SF3B2: variants seen among roughly 807,000 people sequenced by gnomAD.
The protein encoded by SF3B2 is splicing factor 3b subunit 2, also known as SAP 145.
In SF3B2, 22 loss-of-function variants were observed where a neutral mutation model predicts 116.3. That is an observed-to-expected ratio of 0.19 (90% CI 0.14 to 0.27). The LOEUF (loss-of-function observed/expected upper bound fraction) is 0.27, where lower values mean the gene tolerates loss of function less well. SF3B2 is among the 10% of genes least tolerant of loss of function. SF3B2 has a pLI of 1.00. For missense variants in SF3B2, 767 were observed against 1,151.4 expected (o/e 0.67, Z 4.83); for synonymous variants, 406 against 421.6 (o/e 0.96, Z 0.45).
intron 16 of SF3B2, 137 bp downstream of exon 16, chr11:66,062,135 A>G (rs1333061429): frequency 2.9e-6 from 2 of 693,410 alleles, no homozygotes; most frequent in Non-Finnish European, 2.5e-6. Flanking sequence ...AATATTTGTC[A>G]TATACCATGT....
intron 19 of SF3B2, among the ~76,000 whole-genome samples, chr11:66,063,991 C>T (rs1380722231): frequency 6.6e-6 from 1 of 152,120 alleles, no homozygotes; most frequent in Non-Finnish European, 1.5e-5. Context: ...TTTGGGAAGG[C>T]CTCACTGGGG....
At position 66,053,120 on chromosome 11, in the gene SF3B2, T is replaced by A. The variant is rs1269154225; in HGVS notation, c.258+16T>A. The A allele has an allele frequency of 6.2e-7, 1 of 1,611,252 alleles. No individual in the cohort carries two copies. Among genetic ancestry groups the A allele is most frequent in the Non-Finnish European group, 8.5e-7 (1 of 1,177,854 alleles). Reference sequence around the variant, plus strand: ...GTCGGCACAGGTAGGGAGATTCTTCTGTTTTTTAAGATTCCATCTGCTGAT... The same window carrying A: ...GTCGGCACAGGTAGGGAGATTCTTCAGTTTTTTAAGATTCCATCTGCTGAT... On this transcript the variant is annotated intron_variant, in intron 3 of 21. Transcript: ENST00000322535.
intron 21 of SF3B2, 54 bp downstream of exon 21, chr11:66,068,387 C>T (rs1486955153): frequency 7.3e-6 from 11 of 1,511,738 alleles, no homozygotes; most frequent in Admixed American, 4.4e-5. Context: ...CCTGGCCTGC[C>T]GTTTTCAGTG....
intron 4 of SF3B2, 104 bp downstream of exon 4, chr11:66,055,419 G>A: frequency 1.9e-6 from 3 of 1,591,702 alleles, no homozygotes; most frequent in African/African-American, 1.3e-5. Context: ...TGGGAAGGTC[G>A]GGACTAAAGA....
intron 6 of SF3B2, 28 bp from the exon 7 acceptor site, chr11:66,057,238 C>T (rs762315511): frequency 1.5e-6 from 2 of 1,365,428 alleles, no homozygotes; most frequent in Non-Finnish European, 2.1e-6. Context: ...CCTCTTCTGA[C>T]ATTGGATTTC....
intron 5 of SF3B2, chr11:66,055,800 C>A: frequency 3.9e-6 from 2 of 510,490 alleles, no homozygotes; most frequent in Non-Finnish European, 6.8e-6. Context: ...CTAAAAATAA[C>A]TTTAAAATTT....
rs775280803 is a variant in SF3B2, at chr11:66,055,118, C to G, written c.301C>G (p.Pro101Ala). The change falls in exon 4 of 22, where the codon CCT (proline) becomes GCT (alanine). Residue 101 changes from proline to alanine, a missense_variant. Pro to Ala is a conservative substitution (Grantham distance 27). Around this residue, in one of 4 missense-constraint regions of SF3B2, gnomAD observed 455 missense variants for 537.5 expected, o/e 0.85. Transcript: ENST00000322535. ...PMPPPPLGLP[P>A]LQPPPPPPPP... is the part of the protein sequence containing the mutation. ...GCCACCACCACCTTTGGGACTCCCCCCTCTGCAGCCTCCTCCGCCACCCCC... is the reference window on the plus strand; with the variant it reads ...GCCACCACCACCTTTGGGACTCCCCGCTCTGCAGCCTCCTCCGCCACCCCC... 3.9e-6 allele frequency: 6 copies of G among 1,556,440 alleles called. No individual in the cohort carries two copies. The highest frequency in any genetic ancestry group is 2.3e-5 in the East Asian group (1 of 43,492).
In SF3B2 at chr11:66,059,686, G is replaced by A; in HGVS notation, c.1401+91G>A. The A allele has an allele frequency of 6.3e-7, 1 of 1,588,978 alleles. No individual in the cohort carries two copies. Among genetic ancestry groups the A allele is most frequent in the Non-Finnish European group, 8.6e-7 (1 of 1,157,610 alleles). The stretch of plus-strand genomic sequence containing the variant: ...GGTGAAAAGGAGTTCTTTGAAGGAG[G>A]TGTGGGTGATTTGGGTTTGGGTCCT... On this transcript the variant is annotated intron_variant, in intron 12 of 21. Transcript: ENST00000322535. The surrounding 1 kb of genome is among the most constrained non-coding windows in gnomAD (Gnocchi z 5.0).
intron 2 of SF3B2, 58 bp downstream of exon 2, chr11:66,052,777 ACCCCAT>A: frequency 6.7e-7 from 1 of 1,499,634 alleles, no homozygotes; most frequent in Non-Finnish European, 9.0e-7. Context: ...GACCTTATAT[ACCCCAT>A]CACGGCTCGG....
At chr11:66,061,609 A>G in intron 14 of SF3B2, 77 bp from the exon 15 acceptor site, 1 of 1,097,654 alleles carries the variant, frequency 9.1e-7, no homozygotes. Flanking sequence ...CTGGGATTTT[A>G]TATCTGATGT....
chr11:66,059,707 G>A lies in SF3B2; in HGVS notation c.1402-75G>A. Reference sequence around the variant, plus strand: ...GGAGGTGTGGGTGATTTGGGTTTGGGTCCTTTGAGGAAGAAGAGCTTCAGA... The same window carrying A: ...GGAGGTGTGGGTGATTTGGGTTTGGATCCTTTGAGGAAGAAGAGCTTCAGA... On this transcript the variant is annotated intron_variant, in intron 12 of 21. Transcript: ENST00000322535. This position sits in a 1 kb window ranked among gnomAD's most constrained non-coding sequence, Gnocchi z 5.0. 6.3e-7 allele frequency: 1 copy of A among 1,597,054 alleles called. No homozygotes were observed. The highest frequency in any genetic ancestry group is 8.6e-7 in the Non-Finnish European group (1 of 1,164,990).
chr11:66,068,171 T>C lies in SF3B2; in HGVS notation c.2454T>C (p.Ala818=), dbSNP rs368254869. 1.9e-6 allele frequency: 3 copies of C among 1,614,096 alleles called. No individual in the cohort carries two copies. In the African/African-American group the frequency reaches 4.0e-5, roughly 22 times the overall value. ...MSTVMSRKGP[A]PELQGVEVAL... is the part of the protein sequence containing the mutation. ...AGGTTATGAGCCGGAAGGGCCCGGC[T>C]CCTGAGCTGCAAGGTGTGGAAGTGG... is the stretch of plus-strand genomic sequence containing the variant. Residue 818 remains alanine (A), a synonymous_variant, in exon 21 of 22, where the codon GCT becomes GCC. Coordinates refer to ENST00000322535, the MANE Select transcript of SF3B2 (RefSeq NM_006842.3).
Position 66,068,043 on chromosome 11 carries a change from A to T in SF3B2, c.2428A>T (p.Thr810Ser), listed in dbSNP as rs1857217970. 6.2e-7 allele frequency: 1 copy of T among 1,613,966 alleles called. No homozygotes were observed. The highest frequency in any genetic ancestry group is 8.5e-7 in the Non-Finnish European group (1 of 1,179,888). Reference sequence around the variant, plus strand: ...ATCAACCCACATTTATGACATGTCCACGGTGAGTACTTGGAGGATACTGCT... The same window carrying T: ...ATCAACCCACATTTATGACATGTCCTCGGTGAGTACTTGGAGGATACTGCT... Reference protein sequence around the residue: ...MGSTHIYDMSTVMSRKGPAPE... With the variant: ...MGSTHIYDMSSVMSRKGPAPE... The change falls in exon 20 of 22, where the codon ACG becomes TCG. Residue 810 changes from threonine (T) to serine (S), a missense_variant and splice_region_variant. Physicochemically the swap from Thr to Ser is moderately conservative, Grantham distance 58. Coordinates refer to ENST00000322535, the MANE Select transcript of SF3B2 (RefSeq NM_006842.3).
rs959651217 is a variant in SF3B2 at position 66,059,685 on chromosome 11, G to A, written c.1401+90G>A. 3 of 1,588,334 alleles carry A rather than the reference G, an allele frequency of 1.9e-6. No homozygotes were observed. The African/African-American group carries it at 4.0e-5, about 21-fold the overall frequency. On this transcript the variant is annotated intron_variant, in intron 12 of 21. Coordinates refer to ENST00000322535, the MANE Select transcript of SF3B2 (RefSeq NM_006842.3). The surrounding 1 kb of genome is among the most constrained non-coding windows in gnomAD (Gnocchi z 5.0). The stretch of plus-strand genomic sequence containing the variant: ...AGGTGAAAAGGAGTTCTTTGAAGGA[G>A]GTGTGGGTGATTTGGGTTTGGGTCC...
chr11:66,062,140 C>T, intron 16 of SF3B2, 142 bp downstream of exon 16: 3 of 675,748 alleles, frequency 4.4e-6, no homozygotes, highest in South Asian at 3.7e-5. Context: ...TTGTCATATA[C>T]CATGTGTATG....
chr11:66,060,018 C>G lies in SF3B2; in HGVS notation c.1629+9C>G. On this transcript the variant is annotated intron_variant, in intron 13 of 21. Coordinates refer to ENST00000322535, the MANE Select transcript of SF3B2 (RefSeq NM_006842.3). ...AGGCCCTGCAGGAGAAGGTGAGGGC[C>G]TGGCAGGGCTCAGACCTGCCCCCGG... 1 of 1,612,382 alleles carries G rather than the reference C, an allele frequency of 6.2e-7. No individual in the cohort carries two copies. Among genetic ancestry groups the G allele is most frequent in the Non-Finnish European group, 8.5e-7 (1 of 1,179,116 alleles).
chr11:66,052,916 AG>A, intron 2 of SF3B2, 110 bp from the exon 3 acceptor site: 2 of 1,289,894 alleles, frequency 1.6e-6, no homozygotes, highest in Non-Finnish European at 2.3e-6. Flanking sequence ...GTGCCCAGCC[AG>A]AGCGCTGGCA....
At position 66,059,120 on chromosome 11, in the gene SF3B2, G is replaced by A; in HGVS notation, c.1182+75G>A. On this transcript the variant is annotated intron_variant, in intron 10 of 21. Coordinates refer to ENST00000322535, the MANE Select transcript of SF3B2 (RefSeq NM_006842.3). This position sits in a 1 kb window ranked among gnomAD's most constrained non-coding sequence, Gnocchi z 5.0. ...TCAGAGGTGGGTGAGAGGCAGCGGT[G>A]AACAGGCATCTTTTAGTGCTGGCCT... The A allele has an allele frequency of 6.2e-7, 1 of 1,608,924 alleles. No individual in the cohort carries two copies.
intron 7 of SF3B2, 71 bp from the exon 8 acceptor site, chr11:66,057,983 A>AAAG: frequency 5.4e-4 from 589 of 1,095,218 alleles, no homozygotes; most frequent in East Asian, 1.2e-3. Context: ...AAAAAAAAAA[A>AAAG]AAAGAAAGAA....
Sources: gnomAD v4.1 joint callset for allele counts (sites outside exome capture counted in the v4.1 genomes callset) on GRCh38, gnomAD v4.1.1 for gene constraint, gnomAD v4.1.1 regional missense constraint, Gnocchi (gnomAD v3.1) non-coding constraint, MANE v1.5 for transcripts, NCBI Gene and HGNC (gene_info 2026-07-23, HGNC 2026-07-21) for gene names.